Variants in PPM1L observed in about 807,000 individuals in gnomAD.
PPM1L encodes protein phosphatase, Mg2+/Mn2+ dependent 1L.
Under a neutral mutation model 31.4 loss-of-function variants are expected in PPM1L, and 13 were observed. The ratio of observed to expected loss-of-function variants is 0.41; its 90% CI spans 0.27 to 0.66. The LOEUF is 0.66. Ranked by LOEUF, PPM1L falls within the 30% of genes least tolerant of loss-of-function variation. PPM1L has a pLI of 0.29. For synonymous variants in PPM1L, 184 were observed against 175.4 expected (o/e 1.05, Z -0.39); for missense variants, 326 against 453.7 (o/e 0.72, Z 2.56).
At position 160,899,775 on chromosome 3, in the gene PPM1L, A is replaced by C. The variant is rs188239093; in HGVS notation, c.400-61961A>C. ...GTTTATGAATTTATTAAGGTTTTCT[A>C]TGTGGCCTGTGAAATGACTGATTTT... On this transcript the variant is annotated intron_variant, in intron 1 of 3. Transcript: ENST00000498165. Among the ~76,000 whole-genome samples the C allele has an allele frequency of 2.3e-3, 351 of 152,286 alleles. 2 individuals are homozygous for C. Among genetic ancestry groups the C allele is most frequent in the African/African-American group, 7.9e-3 (330 of 41,564 alleles).
intron 2 of PPM1L, among the ~76,000 whole-genome samples, chr3:161,004,756 G>A (rs1235255033): frequency 4.7e-5 from 7 of 149,760 alleles, no homozygotes; most frequent in African/African-American, 1.2e-4. Flanking sequence ...TCTTGCTAGC[G>A]GTCTATCAAT....
chr3:160,895,875 C>T (rs13079241), intron 1 of PPM1L, among the ~76,000 whole-genome samples: 114,215 of 152,138 alleles, frequency 0.75, 43,238 homozygotes, highest in Middle Eastern at 0.83. Flanking sequence ...AACTGCTTCA[C>T]TCTATTTGCT....
intron 1 of PPM1L, among the ~76,000 whole-genome samples, chr3:160,891,691 T>C (rs55792556): frequency 0.046 from 6,981 of 152,282 alleles, 496 homozygotes; most frequent in African/African-American, 0.15. Context: ...TAAAGACACA[T>C]GCACACGTAT....
intron 1 of PPM1L, among the ~76,000 whole-genome samples, chr3:160,918,026 C>T (rs911919891): frequency 2.0e-5 from 3 of 152,216 alleles, no homozygotes; most frequent in African/African-American, 7.2e-5. Flanking sequence ...CTCTCCCCAG[C>T]TGCACATGCA....
intron 1 of PPM1L, among the ~76,000 whole-genome samples, chr3:160,921,044 C>G (rs780519798): frequency 3.8e-4 from 58 of 152,134 alleles, no homozygotes; most frequent in Non-Finnish European, 7.6e-4. Flanking sequence ...AGAAATCTGA[C>G]CAGATTTCAC....
At chr3:161,051,379 C>CACACAA (rs1388418937) in intron 2 of PPM1L, among the ~76,000 whole-genome samples, 20 of 147,584 alleles carry the variant, frequency 1.4e-4, no homozygotes, top group African/African-American at 5.0e-4. Context: ...TCACTACACA[C>CACACAA]ACACACACAC....
At chr3:161,035,000 C>T (rs1432256248) in intron 2 of PPM1L, among the ~76,000 whole-genome samples, 7 of 151,578 alleles carry the variant, frequency 4.6e-5, no homozygotes, top group Non-Finnish European at 1.0e-4. Context: ...AACCAAACAC[C>T]ACATGTTCTC....
intron 1 of PPM1L, among the ~76,000 whole-genome samples, chr3:160,938,627 A>G (rs557056547): frequency 1.3e-5 from 2 of 152,330 alleles, no homozygotes; most frequent in Non-Finnish European, 2.9e-5. Context: ...ATAAATAACT[A>G]AAATTTATGG....
intron 1 of PPM1L, among the ~76,000 whole-genome samples, chr3:160,959,319 G>T (rs1055420005): frequency 2.0e-5 from 3 of 152,028 alleles, no homozygotes; most frequent in Non-Finnish European, 2.9e-5. Flanking sequence ...AGGGGATGAG[G>T]GATAAAAGAC....
At chr3:161,019,320 A>G in intron 2 of PPM1L, among the ~76,000 whole-genome samples, 1 of 147,758 alleles carries the variant, frequency 6.8e-6, no homozygotes, top group East Asian at 2.0e-4. Flanking sequence ...CAACTCCCCG[A>G]GTAGCTGGGA....
intron 2 of PPM1L, among the ~76,000 whole-genome samples, chr3:161,034,889 G>T (rs2108083660): frequency 6.7e-6 from 1 of 150,146 alleles, no homozygotes; most frequent in African/African-American, 2.5e-5. Context: ...ATACACCATG[G>T]AATACTATGC....
intron 1 of PPM1L, among the ~76,000 whole-genome samples, chr3:160,912,286 C>T (rs1366760680): frequency 6.6e-6 from 1 of 152,196 alleles, no homozygotes; most frequent in South Asian, 2.1e-4. Flanking sequence ...CATCTCTGAG[C>T]AAATCCATGC....
intron 1 of PPM1L, among the ~76,000 whole-genome samples, chr3:160,813,857 A>G (rs1045708788): frequency 2.0e-5 from 3 of 152,174 alleles, no homozygotes; most frequent in Non-Finnish European, 2.9e-5. Context: ...ATTTGATTCA[A>G]TGGAACATTC....
At chr3:160,841,593 A>G (rs1365537697) in intron 1 of PPM1L, among the ~76,000 whole-genome samples, 1 of 152,148 alleles carries the variant, frequency 6.6e-6, no homozygotes, top group Non-Finnish European at 1.5e-5. Flanking sequence ...CTTTGAATGG[A>G]CTTTCTTATA....
At chr3:160,850,280 A>C (rs1405463416) in intron 1 of PPM1L, among the ~76,000 whole-genome samples, 1 of 152,190 alleles carries the variant, frequency 6.6e-6, no homozygotes, top group Non-Finnish European at 1.5e-5. Flanking sequence ...GAAGCACTAG[A>C]TTTGGACAGT....
At chr3:160,763,689 T>A (rs116518784) in intron 1 of PPM1L, among the ~76,000 whole-genome samples, 2,509 of 152,286 alleles carry the variant, frequency 0.016, 64 homozygotes, top group African/African-American at 0.057. Context: ...ATGGCATAAA[T>A]TCCATGCTTT....
chr3:160,762,836 A>G (rs1172914574), intron 1 of PPM1L, among the ~76,000 whole-genome samples: 1 of 152,178 alleles, frequency 6.6e-6, no homozygotes, highest in Non-Finnish European at 1.5e-5. Flanking sequence ...GCTTTCCCCA[A>G]CGGTAATCAT....
chr3:160,951,840 G>A (rs1715584525), intron 1 of PPM1L, among the ~76,000 whole-genome samples: 1 of 152,222 alleles, frequency 6.6e-6, no homozygotes. Flanking sequence ...CACACACTGA[G>A]TGTTATGCCC....
At chr3:160,943,673 A>C (rs953308897) in intron 1 of PPM1L, among the ~76,000 whole-genome samples, 1 of 152,228 alleles carries the variant, frequency 6.6e-6, no homozygotes, top group Non-Finnish European at 1.5e-5. Context: ...GATTTCAAAC[A>C]GAATTGGCAT....
Sources: allele counts gnomAD v4.1 joint callset (sites outside exome capture counted in the v4.1 genomes callset), GRCh38; gene constraint gnomAD v4.1.1; transcripts MANE v1.5; gene names NCBI Gene and HGNC (gene_info 2026-07-23, HGNC 2026-07-21).